The following BAZ2B variants were observed in gnomAD, a reference collection of about 807,000 sequenced individuals.
BAZ2B encodes the protein bromodomain adjacent to zinc finger domain protein 2B.
A neutral mutation model predicts 246.0 loss-of-function variants in BAZ2B; 91 were observed. The observed-to-expected ratio is 0.37, with a 90% CI of 0.31 to 0.44. The LOEUF (loss-of-function observed/expected upper bound fraction) is 0.44. BAZ2B is among the 20% of genes least tolerant of loss of function. BAZ2B has a pLI of 1.00. For missense variants in BAZ2B, 2,332 were observed against 2,533.7 expected (o/e 0.92, Z 1.71); for synonymous variants, 855 against 860.0 (o/e 0.99, Z 0.10).
intron 22 of BAZ2B, 150 bp from the exon 23 acceptor site, chr2:159,385,519 T>C (rs2062540176): frequency 1.5e-6 from 1 of 664,106 alleles, no homozygotes; most frequent in Non-Finnish European, 2.5e-6. Context: ...ACAAAAATAG[T>C]CAATAGAAGA....
chr2:159,519,703 T>G (rs371507317), intron 2 of BAZ2B, among the ~76,000 whole-genome samples: 1 of 138,646 alleles, frequency 7.2e-6, no homozygotes, highest in Non-Finnish European at 1.6e-5. Flanking sequence ...GACAGAGTCT[T>G]GCTCTGTCGC....
At position 159,448,251 on chromosome 2, in the gene BAZ2B, G is replaced by A; in HGVS notation, c.493C>T (p.Pro165Ser). 3.1e-6 allele frequency: 5 copies of A among 1,609,560 alleles called. No homozygotes were observed. The highest frequency in any genetic ancestry group is 4.2e-6 in the Non-Finnish European group (5 of 1,178,852). ...RTSGKSNRNG[P>S]EKGVNGSING... ...ATGTAAATGTGGATACCTTTTTCGG[G>A]ACCATTTCGATTACTTTTTCCCGAA... Residue 165 changes from proline (P) to serine (S), a missense_variant, in exon 5 of 37, where the codon CCC (proline) becomes TCC (serine). By Grantham distance (74) the Pro-to-Ser change is moderately conservative. This residue lies in a region of BAZ2B where 242 missense variants were observed against 237.4 expected (regional missense o/e 1.02). Coordinates refer to ENST00000392783, the MANE Select transcript of BAZ2B (RefSeq NM_013450.4).
chr2:159,325,540 C>A, intron 35 of BAZ2B, 113 bp downstream of exon 35: 1 of 1,185,148 alleles, frequency 8.4e-7, no homozygotes. Flanking sequence ...TTATGCTTTA[C>A]ATTTTTTTAT....
At chr2:159,495,150 T>C (rs2080935056) in intron 2 of BAZ2B, among the ~76,000 whole-genome samples, 1 of 152,194 alleles carries the variant, frequency 6.6e-6, no homozygotes, top group Non-Finnish European at 1.5e-5. Context: ...ATATCTATAT[T>C]AAAAGTTATG....
chr2:159,598,532 G>T (rs945136844), intron 1 of BAZ2B, among the ~76,000 whole-genome samples: 1 of 152,086 alleles, frequency 6.6e-6, no homozygotes, highest in Non-Finnish European at 1.5e-5. Flanking sequence ...TTCACTCTTG[G>T]GGGAAATACT....
Position 159,594,236 on chromosome 2 carries a change from C to T in BAZ2B, c.-46+22006G>A, listed in dbSNP as rs1443200412. Among the ~76,000 whole-genome samples, 7 of 152,272 alleles carry T rather than the reference C, an allele frequency of 4.6e-5. No homozygotes were observed. In the East Asian group the frequency reaches 1.2e-3, roughly 25 times the overall value. On this transcript the variant is annotated intron_variant, in intron 1 of 36. Transcript: ENST00000392783. Reference sequence around the variant, plus strand: ...ACTGGCTAACACGGTGAAACCCCGTCTCTACTAAAAATACAAAAAAATCAG... The same window carrying T: ...ACTGGCTAACACGGTGAAACCCCGTTTCTACTAAAAATACAAAAAAATCAG...
rs143766441 is a variant in BAZ2B, at chr2:159,427,327, G to C, written c.2466+614C>G. The stretch of plus-strand genomic sequence containing the variant: ...CCTTGGTGGGTTCTTTTTGCTGACT[G>C]GTGAGGATGTGTACTTAACACTGTA... On this transcript the variant is annotated intron_variant, in intron 13 of 36. Coordinates refer to ENST00000392783, the MANE Select transcript of BAZ2B (RefSeq NM_013450.4). Among the ~76,000 whole-genome samples the C allele has an allele frequency of 2.4e-3, 368 of 152,172 alleles. 1 individual carries two copies. Among genetic ancestry groups the C allele is most frequent in the African/African-American group, 8.2e-3 (341 of 41,550 alleles).
chr2:159,705,002 G>A, the BAZ2B span, among the ~76,000 whole-genome samples: 1 of 149,448 alleles, frequency 6.7e-6, no homozygotes, highest in African/African-American at 2.5e-5. Flanking sequence ...AGCCTCGTCT[G>A]GCCTTTTTTG....
At chr2:159,493,672 T>C (rs1346210559) in intron 2 of BAZ2B, among the ~76,000 whole-genome samples, 5 of 152,224 alleles carry the variant, frequency 3.3e-5, no homozygotes, top group Admixed American at 2.6e-4. Flanking sequence ...CTTATTTATA[T>C]TCACTTAAAA....
chr2:159,690,172 G>A, the BAZ2B span: 1 of 471,064 alleles, frequency 2.1e-6, no homozygotes, highest in Non-Finnish European at 4.0e-6. Flanking sequence ...CTTGGATCCT[G>A]GTGACTAGCG....
chr2:159,344,011 G>A (rs1358330873), intron 31 of BAZ2B, among the ~76,000 whole-genome samples: 7 of 98,172 alleles, frequency 7.1e-5, no homozygotes, highest in African/African-American at 3.2e-4. Context: ...CTGGGCGACA[G>A]AACAAGACTC....
chr2:159,559,085 G>C (rs1026538411), intron 1 of BAZ2B, among the ~76,000 whole-genome samples: 1 of 151,932 alleles, frequency 6.6e-6, no homozygotes, highest in Non-Finnish European at 1.5e-5. Context: ...ACAAAAAATA[G>C]AAAAATTGGC....
intron 13 of BAZ2B, among the ~76,000 whole-genome samples, chr2:159,424,810 G>T (rs1402339607): frequency 2.0e-5 from 3 of 152,052 alleles, no homozygotes; most frequent in African/African-American, 7.3e-5. Context: ...ACTTATAATA[G>T]TAAACACAAT....
intron 2 of BAZ2B, among the ~76,000 whole-genome samples, chr2:159,507,631 A>G (rs1332284863): frequency 1.3e-5 from 2 of 152,186 alleles, no homozygotes; most frequent in African/African-American, 4.8e-5. Flanking sequence ...AAACATTAGG[A>G]ATCAAATTAG....
At chr2:159,394,142 AC>A (rs904874919) in intron 20 of BAZ2B, among the ~76,000 whole-genome samples, 1 of 151,848 alleles carries the variant, frequency 6.6e-6, no homozygotes, top group Non-Finnish European at 1.5e-5. Flanking sequence ...AAAAAAAAAA[AC>A]AAAACAAAAC....
rs528794435 is a variant in BAZ2B, at chr2:159,428,862, GCTTTTACTGT to G, written c.2255+328_2255+337del. Among the ~76,000 whole-genome samples the G allele has an allele frequency of 4.8e-3, 728 of 152,142 alleles. 3 individuals carry two copies. Among genetic ancestry groups the G allele is most frequent in the Non-Finnish European group, 7.3e-3 (494 of 67,988 alleles). ...GAGTCCCTCAATTTTGACCAAAGTG[GCTTTTACTGT>G]CCTTTAATTCTATCTTCACAAAAAC... On this transcript the variant is annotated intron_variant, in intron 11 of 36. Transcript: ENST00000392783.
chr2:159,596,436 C>A (rs1384989320), intron 1 of BAZ2B, among the ~76,000 whole-genome samples: 1 of 152,170 alleles, frequency 6.6e-6, no homozygotes, highest in African/African-American at 2.4e-5. Context: ...AAGGACCTAA[C>A]CTAGAAAGTA....
chr2:159,617,579 A>G (rs183586448), upstream of BAZ2B, among the ~76,000 whole-genome samples: 1 of 152,276 alleles, frequency 6.6e-6, no homozygotes, highest in Admixed American at 6.5e-5. Context: ...TTCAGGATGA[A>G]GAGTAAGTAA....
Position 159,350,337 on chromosome 2 carries a change from CT to C in BAZ2B, c.4233del (p.Glu1412LysfsTer5). On this transcript the variant is annotated frameshift_variant, in exon 28 of 37. Transcript: ENST00000392783. LOFTEE classifies it high-confidence loss of function. ...ESGEGLEEIA[K>X]EREKLKKAES... ...TCTGCCTTTTTCAGTTTTTCTCTTT[CT>C]TTTGCAATTTCTTCTAGTCCTACAA... The C allele has an allele frequency of 6.4e-7, 1 of 1,558,806 alleles. No individual in the cohort carries two copies.
Sources: gnomAD v4.1 joint callset for allele counts (sites outside exome capture counted in the v4.1 genomes callset) on GRCh38, gnomAD v4.1.1 for gene constraint, gnomAD v4.1.1 regional missense constraint, MANE v1.5 for transcripts, NCBI Gene and HGNC (gene_info 2026-07-23, HGNC 2026-07-21) for gene names.